EPS8: variants seen among roughly 807,000 people sequenced by gnomAD.
EPS8 encodes EGFR pathway substrate 8, signaling adaptor, also known as epidermal growth factor receptor kinase substrate 8.
A neutral mutation model predicts 103.8 loss-of-function variants in EPS8; 42 were observed. The ratio of observed to expected loss-of-function variants is 0.40; its 90% confidence interval spans 0.32 to 0.52. The LOEUF (loss-of-function observed/expected upper bound fraction) is 0.52. Among genes scored for constraint, EPS8 ranks in the 20% least tolerant of loss-of-function variants. The probability of loss-of-function intolerance (pLI) is 0.40; values close to 1 mark genes in which losing one functional copy is unlikely to be tolerated. For synonymous variants in EPS8, 344 were observed against 344.6 expected, an observed-to-expected ratio of 1.00 and a Z score of 0.02; for missense variants, 969 against 1,005.1, an observed-to-expected ratio of 0.96 and a Z score of 0.49.
chr12:15,746,921 GTTC>G (rs1565528334), intron 1 of EPS8, among the ~76,000 whole-genome samples: 4 of 152,258 alleles, frequency 2.6e-5, no homozygotes, highest in Middle Eastern at 3.4e-3. Context: ...CTACTAACTA[GTTC>G]TTCTTATAAA....
chr12:15,778,231 G>A lies in EPS8; in HGVS notation c.-22+10930C>T, dbSNP rs887846974. 6.6e-6 allele frequency among the ~76,000 whole-genome samples: 1 copy of A among 152,140 alleles called. No homozygotes were observed. ...ATGCACACGAAAATCTTCAGAGGGT[G>A]ATTTTCAACAATGATTAAAAACACT... On this transcript the variant is annotated intron_variant, in intron 1 of 20. Coordinates refer to ENST00000281172, the MANE Select transcript of EPS8 (RefSeq NM_004447.6). This position sits in a 1 kb window ranked among gnomAD's most constrained non-coding sequence, Gnocchi z 4.5.
chr12:15,723,304 C>G (rs1336023980), intron 1 of EPS8, among the ~76,000 whole-genome samples: 1 of 152,074 alleles, frequency 6.6e-6, no homozygotes, highest in Non-Finnish European at 1.5e-5. Flanking sequence ...GAGTGAGACC[C>G]TGTCTCAAAA....
rs551856909 is a variant in EPS8, at chr12:15,785,268, G to T, written c.-22+3893C>A. Among the ~76,000 whole-genome samples, 1 of 152,222 alleles carries T rather than the reference G, an allele frequency of 6.6e-6. No individual in the cohort carries two copies. Among genetic ancestry groups the T allele is most frequent in the South Asian group, 2.1e-4 (1 of 4,830 alleles). On this transcript the variant is annotated intron_variant, in intron 1 of 20. Coordinates refer to ENST00000281172, the MANE Select transcript of EPS8 (RefSeq NM_004447.6). The surrounding 1 kb of genome is among the most constrained non-coding windows in gnomAD (Gnocchi z 4.9). ...CTAACTCTAGAAATGAGTAGAAGCT[G>T]TGAGACTAAAAGCAAAAGGAATAGT...
intron 1 of EPS8, among the ~76,000 whole-genome samples, chr12:15,763,693 C>T (rs1947064628): frequency 6.6e-6 from 1 of 152,202 alleles, no homozygotes; most frequent in South Asian, 2.1e-4. Context: ...GCACACGCTG[C>T]ATGGCACTCT....
At chr12:15,662,890 C>T (rs1437245042) in intron 8 of EPS8, among the ~76,000 whole-genome samples, 3 of 151,218 alleles carry the variant, frequency 2.0e-5, no homozygotes, top group African/African-American at 7.3e-5. Context: ...CATGATACAT[C>T]ATCGTGACTC....
intron 1 of EPS8, among the ~76,000 whole-genome samples, chr12:15,740,951 G>C (rs368683338): frequency 6.6e-6 from 1 of 152,196 alleles, no homozygotes; most frequent in African/African-American, 2.4e-5. Context: ...TTAGTGACCT[G>C]TATGTTCCAA....
intron 8 of EPS8, among the ~76,000 whole-genome samples, chr12:15,663,986 C>CACACACAT (rs1295823075): frequency 1.6e-5 from 2 of 125,992 alleles, no homozygotes; most frequent in African/African-American, 5.9e-5. Flanking sequence ...TACACACACA[C>CACACACAT]ATATATATAT....
rs549173762 is a variant in EPS8, at chr12:15,660,556, G to A, written c.937+58C>T. ...TGGGATTACAGGTGTGAGCCACTGC[G>A]CCCAGCCAGTACTGGAGATCTAACC... is the stretch of plus-strand genomic sequence containing the variant. On this transcript the variant is annotated intron_variant, in intron 10 of 20. Transcript: ENST00000281172. 99 of 874,400 alleles carry A rather than the reference G, an allele frequency of 1.1e-4. No homozygotes were observed. In the South Asian group the frequency reaches 1.2e-3, roughly 10 times the overall value. 54.2% of individuals were successfully genotyped at this position (874,400 alleles called of 1,614,324 possible).
chr12:15,657,794 A>G, intron 12 of EPS8: 1 of 327,812 alleles, frequency 3.1e-6, no homozygotes, highest in South Asian at 3.0e-5. Flanking sequence ...ATTATATACT[A>G]GTATACGTTG....
chr12:15,627,813 A>T (rs541006820), intron 18 of EPS8, among the ~76,000 whole-genome samples: 8 of 152,338 alleles, frequency 5.3e-5, no homozygotes, highest in Non-Finnish European at 2.9e-5. Context: ...GTGTGTATAT[A>T]TACATAGGTA....
rs1016107275 is a variant in EPS8, at chr12:15,762,728, T to C, written c.-22+26433A>G. Among the ~76,000 whole-genome samples the C allele has an allele frequency of 3.9e-5, 6 of 152,032 alleles. No individual in the cohort carries two copies. Among genetic ancestry groups the C allele is most frequent in the South Asian group, 2.1e-4 (1 of 4,830 alleles). Reference sequence around the variant, plus strand: ...TTGCAGAATCTAGAAATAAAAACAATTGAACTCATGGAGAGAGAGTATAGA... The same window carrying C: ...TTGCAGAATCTAGAAATAAAAACAACTGAACTCATGGAGAGAGAGTATAGA... On this transcript the variant is annotated intron_variant, in intron 1 of 20. Transcript: ENST00000281172. The surrounding 1 kb of genome is among the most constrained non-coding windows in gnomAD (Gnocchi z 4.8).
intron 1 of EPS8, among the ~76,000 whole-genome samples, chr12:15,773,705 A>T (rs1192260822): frequency 6.6e-6 from 1 of 152,172 alleles, no homozygotes; most frequent in Non-Finnish European, 1.5e-5. Context: ...AAATAATCTC[A>T]GGACAACATT....
At chr12:15,641,642 G>A (rs545588264) in intron 16 of EPS8, 80 bp downstream of exon 16, 1 of 605,998 alleles carries the variant, frequency 1.7e-6, no homozygotes, top group African/African-American at 1.9e-5. Flanking sequence ...TACTTTTGAA[G>A]GAAAGTTTAG....
Position 15,782,137 on chromosome 12 carries a change from C to T in EPS8, c.-22+7024G>A, listed in dbSNP as rs888050665. On this transcript the variant is annotated intron_variant, in intron 1 of 20. Coordinates refer to ENST00000281172, the MANE Select transcript of EPS8 (RefSeq NM_004447.6). ...GCCAGGTTTGAACTACATGGGTCCA[C>T]TTATACACAGATTTTTTTCAATAAA... The T allele has an allele frequency of 2.0e-5, 3 of 152,104 alleles. No homozygotes were observed. The East Asian group carries it at 5.8e-4, about 29-fold the overall frequency. 9.4% of individuals were successfully genotyped at this position (152,104 alleles called of 1,614,324 possible). A position where few individuals can be genotyped will look rare whatever the true frequency, so the allele number is the denominator to read the frequency against.
Position 15,777,755 on chromosome 12 carries a change from G to C in EPS8, c.-22+11406C>G, listed in dbSNP as rs1947221790. Among the ~76,000 whole-genome samples, 1 of 152,168 alleles carries C rather than the reference G, an allele frequency of 6.6e-6. No individual in the cohort carries two copies. Among genetic ancestry groups the C allele is most frequent in the Non-Finnish European group, 1.5e-5 (1 of 68,028 alleles). Reference sequence around the variant, plus strand: ...TGTCAGAAACGAGCAAAAGGAGGGGGAACAGCTGGGAGGAGGAAAAGAGTT... The same window carrying C: ...TGTCAGAAACGAGCAAAAGGAGGGGCAACAGCTGGGAGGAGGAAAAGAGTT... On this transcript the variant is annotated intron_variant, in intron 1 of 20. Coordinates refer to ENST00000281172, the MANE Select transcript of EPS8 (RefSeq NM_004447.6). The surrounding 1 kb of genome is among the most constrained non-coding windows in gnomAD (Gnocchi z 4.7).
In EPS8 at chr12:15,650,840, T is replaced by C. The variant is rs755136676; in HGVS notation, c.1417A>G (p.Lys473Glu). ...AAAACTACCTCTGTGGATAATCTTT[T>C]TATTTCCTGTTTGCGCTGATGTTCT... is the stretch of plus-strand genomic sequence containing the variant. Reference protein sequence around the residue: ...VAEHQRKQEIKRLSTEHSSVS... With the variant: ...VAEHQRKQEIERLSTEHSSVS... Residue 473 changes from lysine to glutamate, a missense_variant, in exon 14 of 21, where the codon AAA becomes GAA. By Grantham distance (56) the Lys-to-Glu change is moderately conservative. Coordinates refer to ENST00000281172, the MANE Select transcript of EPS8 (RefSeq NM_004447.6). 1 of 1,614,090 alleles carries C rather than the reference T, an allele frequency of 6.2e-7. No individual in the cohort carries two copies.
chr12:15,677,676 T>C (rs1191128663), intron 3 of EPS8, among the ~76,000 whole-genome samples: 6 of 152,180 alleles, frequency 3.9e-5, no homozygotes, highest in African/African-American at 1.4e-4. Context: ...ATCTCTTCTT[T>C]ACTAACTTTC....
intron 17 of EPS8, among the ~76,000 whole-genome samples, chr12:15,639,503 A>G (rs988571517): frequency 1.3e-5 from 2 of 152,230 alleles, no homozygotes; most frequent in Non-Finnish European, 2.9e-5. Flanking sequence ...CATAATATAT[A>G]TATGCACATG....
In EPS8 at chr12:15,748,528, C is replaced by G. The variant is rs1339915278; in HGVS notation, c.-22+40633G>C. ...TGAATTAAGTGTCTGAATACCTACA[C>G]CTTTTCTTAAAGATCTCCAGGGAGA... On this transcript the variant is annotated intron_variant, in intron 1 of 20. Transcript: ENST00000281172. This position sits in a 1 kb window ranked among gnomAD's most constrained non-coding sequence, Gnocchi z 4.8. Among the ~76,000 whole-genome samples the G allele has an allele frequency of 6.6e-6, 1 of 152,082 alleles. No individual in the cohort carries two copies. Among genetic ancestry groups the G allele is most frequent in the East Asian group, 1.9e-4 (1 of 5,192 alleles).
Sources: gnomAD v4.1 joint callset for allele counts (sites outside exome capture counted in the v4.1 genomes callset) on GRCh38, gnomAD v4.1.1 for gene constraint, Gnocchi (gnomAD v3.1) non-coding constraint, MANE v1.5 for transcripts, NCBI Gene and HGNC (gene_info 2026-07-23, HGNC 2026-07-21) for gene names.